Variants in RBM39 observed in about 807,000 individuals in gnomAD.
The protein encoded by RBM39 is RNA binding motif protein 39.
A neutral mutation model predicts 79.6 loss-of-function variants in RBM39; 12 were observed. The ratio of observed to expected loss-of-function variants is 0.15; its 90% confidence interval spans 0.10 to 0.24. The LOEUF is 0.24. Ranked by LOEUF, RBM39 falls within the 10% of genes least tolerant of loss-of-function variation. The pLI is 1.00. For synonymous variants in RBM39, 185 were observed against 208.4 expected (o/e 0.89, Z 0.97); for missense variants, 243 against 653.4 (o/e 0.37, Z 6.85).
chr20:35,717,438 G>A (rs1241663742), intron 9 of RBM39, among the ~76,000 whole-genome samples: 4 of 152,048 alleles, frequency 2.6e-5, no homozygotes, highest in Admixed American at 6.6e-5. Context: ...GAAATCCTTC[G>A]TAAATTACCA....
At chr20:35,722,427 A>AT (rs1399114378) in intron 8 of RBM39, among the ~76,000 whole-genome samples, 1 of 126,130 alleles carries the variant, frequency 7.9e-6, no homozygotes, top group Non-Finnish European at 1.7e-5. Context: ...AAAATAAAAA[A>AT]AAAAATAAAA....
chr20:35,730,425 C>T (rs917678157), intron 4 of RBM39, among the ~76,000 whole-genome samples: 1 of 152,150 alleles, frequency 6.6e-6, no homozygotes, highest in Non-Finnish European at 1.5e-5. Context: ...ACCATGCCTA[C>T]CTACAACATG....
At chr20:35,714,825 C>T (rs1283313140) in intron 10 of RBM39, among the ~76,000 whole-genome samples, 4 of 152,060 alleles carry the variant, frequency 2.6e-5, no homozygotes, top group Non-Finnish European at 5.9e-5. Context: ...ATACTTCATA[C>T]ACAAGCAAAT....
At position 35,714,243 on chromosome 20, in the gene RBM39, C is replaced by T. The variant is rs143143707; in HGVS notation, c.1038G>A (p.Arg346=). The change falls in exon 11 of 17, where the codon AGG becomes AGA. Residue 346 remains arginine, a synonymous_variant. Transcript: ENST00000253363. ...SSFLDSDELE[R]TGIDLGTTGR... ...CAGTTGTTCCCAAATCAATTCCAGT[C>T]CTTTCCAGTTCATCACTGTCCAAAA... The T allele has an allele frequency of 1.2e-6, 2 of 1,613,952 alleles. No homozygotes were observed. The highest frequency in any genetic ancestry group is 3.3e-5 in the Admixed American group (2 of 59,990).
chr20:35,738,829 C>CAAAA, intron 3 of RBM39, 139 bp downstream of exon 3: 1 of 758,494 alleles, frequency 1.3e-6, no homozygotes, highest in Middle Eastern at 2.4e-4. Context: ...TCTCAAAAGG[C>CAAAA]AAAGAACCAA....
chr20:35,740,218 A>G (rs773048647), intron 2 of RBM39: 83 of 165,776 alleles, frequency 5.0e-4, no homozygotes, highest in Non-Finnish European at 6.5e-4. Flanking sequence ...TTTAATTTCT[A>G]TTCAGGGATC....
chr20:35,732,151 C>T lies in RBM39; in HGVS notation c.102-16G>A. The T allele has an allele frequency of 6.2e-7, 1 of 1,612,960 alleles. No individual in the cohort carries two copies. The highest frequency in any genetic ancestry group is 8.5e-7 in the Non-Finnish European group (1 of 1,179,394). ...TTTTTTCCTCCTGAGAAGAAAAAAA[C>T]TCGCCATTATCATGCTGGCTTAAGA... On this transcript the variant is annotated splice_polypyrimidine_tract_variant and intron_variant, in intron 3 of 16. Coordinates refer to ENST00000253363, the MANE Select transcript of RBM39 (RefSeq NM_184234.3).
intron 12 of RBM39, among the ~76,000 whole-genome samples, chr20:35,711,321 CTG>C (rs1444251422): frequency 6.6e-6 from 1 of 152,096 alleles, no homozygotes; most frequent in East Asian, 1.9e-4. Flanking sequence ...ACCTTTCAAA[CTG>C]TAATAATAAA....
At chr20:35,714,421 A>G (rs2085307834) in intron 10 of RBM39, 32 bp from the exon 11 acceptor site, 2 of 1,573,360 alleles carry the variant, frequency 1.3e-6, no homozygotes, top group African/African-American at 2.7e-5. Context: ...GACAGGAGAC[A>G]GTGCTTTAAT....
chr20:35,724,554 C>G lies in RBM39; in HGVS notation c.687+16G>C, dbSNP rs1468294305. The G allele has an allele frequency of 6.2e-7, 1 of 1,612,644 alleles. No homozygotes were observed. The highest frequency in any genetic ancestry group is 1.1e-5 in the South Asian group (1 of 90,872). On this transcript the variant is annotated intron_variant, in intron 8 of 16. Transcript: ENST00000253363. The stretch of plus-strand genomic sequence containing the variant: ...ACACCACCAATAATCAAACTCTTAA[C>G]CAACAAAAAAATTACCTGTGATGCC...
intron 15 of RBM39, 123 bp from the exon 16 acceptor site, chr20:35,704,869 G>GGGAA: frequency 1.3e-6 from 1 of 744,906 alleles, no homozygotes; most frequent in South Asian, 1.8e-5. Flanking sequence ...TTACCATAAT[G>GGGAA]GTTCCACTGG....
chr20:35,724,406 T>C (rs1168102653), intron 8 of RBM39, among the ~76,000 whole-genome samples, 164 bp downstream of exon 8: 2 of 148,496 alleles, frequency 1.3e-5, no homozygotes, highest in Non-Finnish European at 3.0e-5. Context: ...TTGAGAAAAC[T>C]GTATCAATGT....
intron 9 of RBM39, 109 bp from the exon 10 acceptor site, chr20:35,716,914 G>A: frequency 1.5e-6 from 1 of 674,616 alleles, no homozygotes; most frequent in South Asian, 2.0e-5. Flanking sequence ...CTCCAAAATA[G>A]AAGACTTATC....
At chr20:35,716,485 C>T (rs1439387352) in intron 10 of RBM39, among the ~76,000 whole-genome samples, 1 of 152,044 alleles carries the variant, frequency 6.6e-6, no homozygotes, top group Non-Finnish European at 1.5e-5. Context: ...TTTAGGAGTA[C>T]CTAAGTGTGA....
At chr20:35,715,916 T>A (rs2037067101) in intron 10 of RBM39, among the ~76,000 whole-genome samples, 1 of 152,084 alleles carries the variant, frequency 6.6e-6, no homozygotes, top group African/African-American at 2.4e-5. Flanking sequence ...CACCTGCTCC[T>A]CCAAGCAATA....
chr20:35,723,359 T>C (rs1049598363), intron 8 of RBM39, among the ~76,000 whole-genome samples: 1 of 152,166 alleles, frequency 6.6e-6, no homozygotes, highest in Non-Finnish European at 1.5e-5. Context: ...TCACTTAATA[T>C]GCTACTTCTC....
rs1056456354 is a variant in RBM39 at position 35,742,252 on chromosome 20, A to C, written c.-325T>G. 1 of 155,540 alleles carries C rather than the reference A, an allele frequency of 6.4e-6. No homozygotes were observed. Among genetic ancestry groups the C allele is most frequent in the Non-Finnish European group, 1.4e-5 (1 of 69,652 alleles). The allele number at this position is 155,540 out of a possible 1,614,324, so 9.6% of individuals were successfully genotyped here. A position where few individuals can be genotyped will look rare whatever the true frequency, so the allele number is the denominator to read the frequency against. On this transcript the variant is annotated 5_prime_UTR_variant, in exon 1 of 17. Transcript: ENST00000253363. Reference sequence around the variant, plus strand: ...CTGCTTCCCTGTACTCACATTCACCAGCACACATACACACACACAAACACA... The same window carrying C: ...CTGCTTCCCTGTACTCACATTCACCCGCACACATACACACACACAAACACA...
intron 2 of RBM39, chr20:35,739,861 A>G (rs1274067871): frequency 5.6e-6 from 1 of 177,130 alleles, no homozygotes; most frequent in Non-Finnish European, 1.2e-5. Flanking sequence ...GTTTAGTGAA[A>G]TGTTTATTTT....
rs2040634376 is a variant in RBM39 at position 35,742,253 on chromosome 20, G to C, written c.-326C>G. ...TGCTTCCCTGTACTCACATTCACCA[G>C]CACACATACACACACACAAACACAC... On this transcript the variant is annotated 5_prime_UTR_variant, in exon 1 of 17. Transcript: ENST00000253363. 1 of 155,332 alleles carries C rather than the reference G, an allele frequency of 6.4e-6. No individual in the cohort carries two copies. Among genetic ancestry groups the C allele is most frequent in the Non-Finnish European group, 1.4e-5 (1 of 69,542 alleles). The allele number at this position is 155,332 out of a possible 1,614,324, so 9.6% of individuals were successfully genotyped here.
Sources: allele counts gnomAD v4.1 joint callset (sites outside exome capture counted in the v4.1 genomes callset), GRCh38; gene constraint gnomAD v4.1.1; transcripts MANE v1.5; gene names NCBI Gene and HGNC (gene_info 2026-07-23, HGNC 2026-07-21).